The following REEP2 variants were observed in gnomAD, a reference collection of about 807,000 sequenced individuals.
REEP2 encodes the protein receptor accessory protein 2.
Under a neutral mutation model 32.1 loss-of-function variants are expected in REEP2, and 9 were observed. That is an observed-to-expected ratio of 0.28 (90% CI 0.17 to 0.49). The LOEUF is 0.49. Among genes scored for constraint, REEP2 ranks in the 20% least tolerant of loss-of-function variants. The pLI is 0.99. For missense variants in REEP2, 236 were observed against 338.0 expected, an observed-to-expected ratio of 0.70 and a Z score of 2.37; for synonymous variants, 128 against 139.1, an observed-to-expected ratio of 0.92 and a Z score of 0.56.
chr5:138,443,320 C>T (rs1316667613), intron 3 of REEP2, among the ~76,000 whole-genome samples: 3 of 151,126 alleles, frequency 2.0e-5, no homozygotes, highest in African/African-American at 4.9e-5. Context: ...ATTAGCCGGG[C>T]GTGGTGGCAC....
At chr5:138,444,146 G>T (rs1763878658) in intron 3 of REEP2, among the ~76,000 whole-genome samples, 1 of 152,108 alleles carries the variant, frequency 6.6e-6, no homozygotes, top group Non-Finnish European at 1.5e-5. Context: ...GGAGTGAGAG[G>T]GCTGGGGCTT....
intron 1 of REEP2, 30 bp downstream of exon 1, chr5:138,439,270 G>A: frequency 1.4e-6 from 2 of 1,422,414 alleles, no homozygotes; most frequent in Admixed American, 2.7e-5. Flanking sequence ...GGGGTGATGC[G>A]GGCTGTGATG....
chr5:138,443,677 G>C (rs901502352), intron 3 of REEP2: 3 of 151,830 alleles, frequency 2.0e-5, no homozygotes, highest in Non-Finnish European at 4.4e-5. Context: ...GAGTAGCTGG[G>C]ACCACAGGCA....
At chr5:138,440,943 GC>G in intron 1 of REEP2, 72 bp from the exon 2 acceptor site, 1 of 1,602,204 alleles carries the variant, frequency 6.2e-7, no homozygotes. Context: ...TTACCCAGGG[GC>G]TGATGCGGAG....
chr5:138,439,953 G>C, intron 1 of REEP2: 1 of 361,148 alleles, frequency 2.8e-6, no homozygotes, highest in South Asian at 2.0e-5. Flanking sequence ...ACCTCCCCGG[G>C]CCCCAGGAGG....
Position 138,445,868 on chromosome 5 carries a change from A to C in REEP2, c.*117A>C. 1 of 1,005,666 alleles carries C rather than the reference A, an allele frequency of 9.9e-7. No homozygotes were observed. 62.3% of individuals were successfully genotyped at this position (1,005,666 alleles called of 1,614,324 possible). ...GGTGTCTCAGGCCCCTGGGCCCCGC[A>C]GATGGCCATTTCCGGTGCCTGCCCA... On this transcript the variant is annotated 3_prime_UTR_variant, in exon 8 of 8. Coordinates refer to ENST00000378339, the MANE Select transcript of REEP2 (RefSeq NM_001271803.2).
Position 138,441,232 on chromosome 5 carries a change from TC to T in REEP2, c.105+147del. 7.7e-7 allele frequency: 1 copy of T among 1,303,912 alleles called. No homozygotes were observed. 80.8% of individuals were successfully genotyped at this position (1,303,912 alleles called of 1,614,324 possible). ...CACCAGCAAAGGAGGGCCCTGGGTG[TC>T]CCACACAGCGCCTCCAACATGGCTG... On this transcript the variant is annotated intron_variant, in intron 2 of 7. Coordinates refer to ENST00000378339, the MANE Select transcript of REEP2 (RefSeq NM_001271803.2). The surrounding 1 kb of genome is among the most constrained non-coding windows in gnomAD (Gnocchi z 4.4).
chr5:138,440,648 G>A (rs1362797980), intron 1 of REEP2, among the ~76,000 whole-genome samples: 3 of 152,164 alleles, frequency 2.0e-5, no homozygotes, highest in Non-Finnish European at 2.9e-5. Flanking sequence ...GGGCAGATGG[G>A]TGTGAATGGG....
chr5:138,444,237 C>T, intron 3 of REEP2, 178 bp from the exon 4 acceptor site: 1 of 620,724 alleles, frequency 1.6e-6, no homozygotes. Flanking sequence ...TTTGGAGCTT[C>T]AGCTGAGCCC....
rs750265875 is a variant in REEP2 at position 138,441,125 on chromosome 5, A to G, written c.105+37A>G. 8.7e-6 allele frequency: 14 copies of G among 1,612,500 alleles called. No individual in the cohort carries two copies. The highest frequency in any genetic ancestry group is 3.3e-5 in the Admixed American group (2 of 59,894). On this transcript the variant is annotated intron_variant, in intron 2 of 7. Coordinates refer to ENST00000378339, the MANE Select transcript of REEP2 (RefSeq NM_001271803.2). The surrounding 1 kb of genome is among the most constrained non-coding windows in gnomAD (Gnocchi z 4.4). Reference sequence around the variant, plus strand: ...ACCCTTCACCCCCTACCCAACCCACATGGCACAGAGAGGGGAGGGCACTGG... The same window carrying G: ...ACCCTTCACCCCCTACCCAACCCACGTGGCACAGAGAGGGGAGGGCACTGG...
rs750468379 is a variant in REEP2 at position 138,444,741 on chromosome 5, T to A, written c.304-13T>A. The A allele has an allele frequency of 1.9e-6, 3 of 1,611,348 alleles. No individual in the cohort carries two copies. The East Asian group carries it at 6.7e-5, about 36-fold the overall frequency. The stretch of plus-strand genomic sequence containing the variant: ...GGACCTCTCCTCTTCTCCCTTCCCC[T>A]CCAATCCCATAGGAGATCGACGAGT... On this transcript the variant is annotated splice_polypyrimidine_tract_variant and intron_variant, in intron 4 of 7. Transcript: ENST00000378339.
chr5:138,443,073 G>A (rs961358737), intron 3 of REEP2, among the ~76,000 whole-genome samples: 1 of 151,970 alleles, frequency 6.6e-6, no homozygotes, highest in South Asian at 2.1e-4. Flanking sequence ...GCTCCTGCTT[G>A]TAATCCTGGC....
chr5:138,440,943 G>T lies in REEP2; in HGVS notation c.33-73G>T, dbSNP rs909971260. On this transcript the variant is annotated intron_variant, in intron 1 of 7. Coordinates refer to ENST00000378339, the MANE Select transcript of REEP2 (RefSeq NM_001271803.2). ...CTCTCTTCCCATTACTTACCCAGGGGCTGATGCGGAGCTGGGAGGGAGAGG... is the reference window on the plus strand; with the variant it reads ...CTCTCTTCCCATTACTTACCCAGGGTCTGATGCGGAGCTGGGAGGGAGAGG... The T allele has an allele frequency of 1.1e-5, 17 of 1,602,086 alleles. No individual in the cohort carries two copies. In the Admixed American group the frequency reaches 1.2e-4, roughly 11 times the overall value.
rs1422033526 is a variant in REEP2, at chr5:138,444,478, G to C, written c.246G>C (p.Lys82Asn). Residue 82 changes from lysine to asparagine, a missense_variant, in exon 4 of 8, where the codon AAG becomes AAC. Coordinates refer to ENST00000378339, the MANE Select transcript of REEP2 (RefSeq NM_001271803.2). ...FVIWLLSPYT[K>N]GSSVLYRKFV... Reference sequence around the variant, plus strand: ...TATGGCTGCTGTCCCCTTACACCAAGGGCTCCAGCGTGCTCTACCGCAAGT... The same window carrying C: ...TATGGCTGCTGTCCCCTTACACCAACGGCTCCAGCGTGCTCTACCGCAAGT... The C allele has an allele frequency of 1.3e-5, 21 of 1,613,968 alleles. No individual in the cohort carries two copies. In the Admixed American group the frequency reaches 2.8e-4, roughly 22 times the overall value.
At position 138,441,069 on chromosome 5, in the gene REEP2, CA is replaced by C. The variant is rs778199839; in HGVS notation, c.92del (p.Asn31ThrfsTer2). ...PAYSSYKAVK[T>X]KNVKEYVKWM... ...TATTCTTCCTACAAGGCCGTGAAGACAAAAAACGTGAAGGAATATGTGAGTG... is the reference window on the plus strand; with the variant it reads ...TATTCTTCCTACAAGGCCGTGAAGACAAAAACGTGAAGGAATATGTGAGTG... On this transcript the variant is annotated frameshift_variant, in exon 2 of 8. Coordinates refer to ENST00000378339, the MANE Select transcript of REEP2 (RefSeq NM_001271803.2). LOFTEE classifies it high-confidence loss of function. The surrounding 1 kb of genome is among the most constrained non-coding windows in gnomAD (Gnocchi z 4.4). The C allele has an allele frequency of 6.2e-7, 1 of 1,613,774 alleles. No homozygotes were observed. Among genetic ancestry groups the C allele is most frequent in the Admixed American group, 1.7e-5 (1 of 60,020 alleles).
At chr5:138,445,130 AG>A in intron 5 of REEP2, 97 bp from the exon 6 acceptor site, 1 of 1,322,478 alleles carries the variant, frequency 7.6e-7, no homozygotes. Flanking sequence ...CAGTGTGGGG[AG>A]GGCACCGAGC....
chr5:138,439,269 C>G, intron 1 of REEP2, 29 bp downstream of exon 1: 1 of 1,419,502 alleles, frequency 7.0e-7, no homozygotes, highest in Non-Finnish European at 9.2e-7. Context: ...GGGGGTGATG[C>G]GGGCTGTGAT....
intron 1 of REEP2, chr5:138,439,960 G>A: frequency 5.5e-6 from 2 of 360,994 alleles, no homozygotes; most frequent in Non-Finnish European, 1.1e-5. Context: ...CGGGCCCCAG[G>A]AGGGAACACA....
chr5:138,439,533 T>C, intron 1 of REEP2: 2 of 516,906 alleles, frequency 3.9e-6, no homozygotes, highest in South Asian at 3.6e-5. Flanking sequence ...CAGCACGGCT[T>C]GATTTAAAAG....
Sources: allele counts gnomAD v4.1 joint callset (sites outside exome capture counted in the v4.1 genomes callset), GRCh38; gene constraint gnomAD v4.1.1; non-coding constraint Gnocchi (gnomAD v3.1); transcripts MANE v1.5; gene names NCBI Gene and HGNC (gene_info 2026-07-23, HGNC 2026-07-21).